GAP43: variants seen among roughly 807,000 people sequenced by gnomAD.
The protein encoded by GAP43 is neuromodulin.
A neutral mutation model predicts 18.6 loss-of-function variants in GAP43; 6 were observed. The ratio of observed to expected loss-of-function variants is 0.32; its 90% CI spans 0.18 to 0.64. The LOEUF is 0.64. GAP43 is among the 30% of genes least tolerant of loss of function. The pLI, the probability that GAP43 is intolerant of heterozygous loss-of-function variation, is 0.78. For missense variants in GAP43, 292 were observed against 295.5 expected (o/e 0.99, Z 0.09); for synonymous variants, 115 against 111.4 (o/e 1.03, Z -0.20).
At chr3:115,715,505 G>T (rs535979545) in intron 2 of GAP43, among the ~76,000 whole-genome samples, 3 of 152,144 alleles carry the variant, frequency 2.0e-5, no homozygotes, top group Non-Finnish European at 4.4e-5. Context: ...AGGTTGATCC[G>T]CTAGATGAGG....
chr3:115,673,165 G>C (rs933416904), intron 1 of GAP43, among the ~76,000 whole-genome samples: 3 of 152,144 alleles, frequency 2.0e-5, no homozygotes, highest in African/African-American at 7.2e-5. Flanking sequence ...CATAGATGCT[G>C]TGTTCAGAAG....
chr3:115,627,355 A>C (rs1458646254), intron 1 of GAP43, among the ~76,000 whole-genome samples: 1 of 151,336 alleles, frequency 6.6e-6, no homozygotes, highest in Non-Finnish European at 1.5e-5. Context: ...GGAATAAGAA[A>C]ATGCAGAGTT....
chr3:115,701,161 C>T (rs1163728846), intron 2 of GAP43, among the ~76,000 whole-genome samples: 1 of 152,140 alleles, frequency 6.6e-6, no homozygotes, highest in Non-Finnish European at 1.5e-5. Flanking sequence ...CTATCCACAA[C>T]AGAGAAGAAG....
chr3:115,681,993 A>G (rs1279173050), intron 2 of GAP43, among the ~76,000 whole-genome samples: 1 of 152,092 alleles, frequency 6.6e-6, no homozygotes, highest in Non-Finnish European at 1.5e-5. Context: ...ATGTCTAAGG[A>G]CCCCAACAAT....
intron 2 of GAP43, among the ~76,000 whole-genome samples, chr3:115,703,899 G>A (rs1302055030): frequency 1.3e-5 from 2 of 151,996 alleles, no homozygotes; most frequent in Admixed American, 1.3e-4. Flanking sequence ...AAACAGCTTG[G>A]AGATCTTTGA....
rs112851161 is a variant in GAP43 at position 115,697,668 on chromosome 3, A to G, written c.628+21058A>G. Among the ~76,000 whole-genome samples the G allele has an allele frequency of 4.4e-3, 666 of 152,292 alleles. 6 individuals carry two copies. Among genetic ancestry groups the G allele is most frequent in the African/African-American group, 0.015 (617 of 41,556 alleles). On this transcript the variant is annotated intron_variant, in intron 2 of 2. Transcript: ENST00000305124. The stretch of plus-strand genomic sequence containing the variant: ...GCAGAGAACCATTTTAGCAAATTCA[A>G]AACCACTGGGAATTCTGCCCAGACT...
chr3:115,645,372 A>G (rs1708446095), intron 1 of GAP43, among the ~76,000 whole-genome samples: 1 of 152,016 alleles, frequency 6.6e-6, no homozygotes, highest in Non-Finnish European at 1.5e-5. Flanking sequence ...CACTTGAAGT[A>G]GTGAGGCCCA....
At chr3:115,641,439 CACTA>C (rs1385887345) in intron 1 of GAP43, among the ~76,000 whole-genome samples, 2 of 150,564 alleles carry the variant, frequency 1.3e-5, no homozygotes, top group African/African-American at 4.9e-5. Flanking sequence ...TACACACAGA[CACTA>C]TATATATATA....
chr3:115,652,400 C>A (rs1708531934), intron 1 of GAP43, among the ~76,000 whole-genome samples: 1 of 66,678 alleles, frequency 1.5e-5, no homozygotes, highest in African/African-American at 5.7e-5. Flanking sequence ...TAGAGTCTTG[C>A]TCTGTTGAGT....
At chr3:115,709,876 A>G (rs938247847) in intron 2 of GAP43, among the ~76,000 whole-genome samples, 14 of 149,650 alleles carry the variant, frequency 9.4e-5, no homozygotes, top group African/African-American at 3.5e-4. Context: ...CACACACATG[A>G]GCAATTGATT....
At chr3:115,674,023 A>G (rs1023436885) in intron 1 of GAP43, among the ~76,000 whole-genome samples, 7 of 152,208 alleles carry the variant, frequency 4.6e-5, no homozygotes, top group Non-Finnish European at 7.3e-5. Flanking sequence ...TGTCCAAAGA[A>G]TGTCTAACAG....
chr3:115,653,297 C>T (rs1486189493), intron 1 of GAP43, among the ~76,000 whole-genome samples: 1 of 151,982 alleles, frequency 6.6e-6, no homozygotes, highest in Non-Finnish European at 1.5e-5. Context: ...AAAAAATTAG[C>T]TGGGTGTGGT....
chr3:115,641,581 C>T (rs1310979852), intron 1 of GAP43, among the ~76,000 whole-genome samples: 1 of 150,840 alleles, frequency 6.6e-6, no homozygotes, highest in Non-Finnish European at 1.5e-5. Flanking sequence ...CTAAAAGGCT[C>T]ATTACTGAGA....
intron 1 of GAP43, among the ~76,000 whole-genome samples, chr3:115,632,198 C>T (rs954895220): frequency 7.9e-5 from 12 of 152,128 alleles, no homozygotes; most frequent in Middle Eastern, 3.4e-3. Flanking sequence ...GTTCTCAGCA[C>T]TAAGATGGCC....
At chr3:115,637,374 A>C (rs768720074) in intron 1 of GAP43, among the ~76,000 whole-genome samples, 3 of 152,070 alleles carry the variant, frequency 2.0e-5, no homozygotes, top group Admixed American at 6.6e-5. Context: ...AATTTCTCAG[A>C]AAGACAGGTG....
At chr3:115,692,967 A>G (rs1242678004) in intron 2 of GAP43, among the ~76,000 whole-genome samples, 8 of 152,212 alleles carry the variant, frequency 5.3e-5, no homozygotes, top group Admixed American at 4.6e-4. Context: ...CCCAATCACA[A>G]TAGTTGTTCC....
At chr3:115,658,589 C>CCCTGGAGACCCTGGAGA (rs1271016856) in intron 1 of GAP43, 1 of 152,138 alleles carries the variant, frequency 6.6e-6, no homozygotes, top group Admixed American at 6.5e-5. Context: ...ACCCTGGGGA[C>CCCTGGAGACCCTGGAGA]CGCAGGGCGT....
intron 2 of GAP43, among the ~76,000 whole-genome samples, chr3:115,685,142 T>G (rs1213197160): frequency 6.6e-6 from 1 of 152,210 alleles, no homozygotes; most frequent in African/African-American, 2.4e-5. Context: ...TTAGTGTTAC[T>G]CAGGCCTGTA....
chr3:115,652,066 A>G (rs912869158), intron 1 of GAP43, among the ~76,000 whole-genome samples: 2 of 152,142 alleles, frequency 1.3e-5, no homozygotes, highest in African/African-American at 2.4e-5. Flanking sequence ...ACTCAAGTGT[A>G]TATTTCCTGT....
Sources: allele counts gnomAD v4.1 joint callset (sites outside exome capture counted in the v4.1 genomes callset), GRCh38; gene constraint gnomAD v4.1.1; transcripts MANE v1.5; gene names NCBI Gene and HGNC (gene_info 2026-07-23, HGNC 2026-07-21).